Variants in CSMD3 observed in about 807,000 individuals in gnomAD.
CSMD3 encodes CUB and Sushi multiple domains 3, also known as CUB and sushi domain-containing protein 3.
CSMD3 carries 177 observed loss-of-function variants against 435.2 expected under a neutral mutation model. That is an observed-to-expected ratio of 0.41 (90% CI 0.36 to 0.46). CSMD3 has a LOEUF of 0.46. CSMD3 is among the 20% of genes least tolerant of loss of function. The pLI, the probability that CSMD3 is intolerant of heterozygous loss-of-function variation, is 0.34. For synonymous variants in CSMD3, 1,656 were observed against 1,520.5 expected (o/e 1.09, Z -2.07); for missense variants, 4,265 against 4,504.6 (o/e 0.95, Z 1.52).
intron 66 of CSMD3, among the ~76,000 whole-genome samples, chr8:112,240,897 C>T (rs1038975911): frequency 2.0e-5 from 3 of 152,004 alleles, no homozygotes; most frequent in African/African-American, 7.2e-5. Flanking sequence ...TTTGCCCGCT[C>T]GCATCCATGT....
In CSMD3 at chr8:112,913,404, G is replaced by A. The variant is rs535807882; in HGVS notation, c.1633+8223C>T. Among the ~76,000 whole-genome samples the A allele has an allele frequency of 6.6e-5, 10 of 151,844 alleles. No individual in the cohort carries two copies. In the East Asian group the frequency reaches 1.8e-3, roughly 27 times the overall value. ...GGAGCTCAAGTGGTAATGCCCACTT[G>A]CCCGCTGTTCACCTCCTGCTGTGTG... On this transcript the variant is annotated intron_variant, in intron 10 of 70. Coordinates refer to ENST00000297405, the MANE Select transcript of CSMD3 (RefSeq NM_198123.2).
intron 63 of CSMD3, among the ~76,000 whole-genome samples, chr8:112,253,016 G>A (rs916035343): frequency 1.3e-5 from 2 of 151,590 alleles, no homozygotes; most frequent in Admixed American, 6.6e-5. Flanking sequence ...TAAACTCCAC[G>A]TTAATCATTC....
At chr8:113,408,706 G>T (rs1181743890) in intron 1 of CSMD3, among the ~76,000 whole-genome samples, 11 of 148,244 alleles carry the variant, frequency 7.4e-5, no homozygotes, top group Admixed American at 6.7e-4. Flanking sequence ...TGTTCAGGTT[G>T]GCGTGCAGGG....
intron 4 of CSMD3, among the ~76,000 whole-genome samples, chr8:113,167,020 A>G (rs928497830): frequency 6.6e-6 from 1 of 152,148 alleles, no homozygotes; most frequent in Non-Finnish European, 1.5e-5. Context: ...GGTCTAAAAA[A>G]TTAAATATAT....
chr8:112,372,867 G>GATAA lies in CSMD3; in HGVS notation c.6136+7481_6136+7484dup, dbSNP rs555348272. Among the ~76,000 whole-genome samples the GATAA allele has an allele frequency of 3.4e-4, 51 of 150,368 alleles. No individual in the cohort carries two copies. The South Asian group carries it at 0.011, about 31-fold the overall frequency. On this transcript the variant is annotated intron_variant, in intron 38 of 70. Transcript: ENST00000297405. ...ATGTCTCCAAAAATAGAAAAAAAAA[G>GATAA]ATAAATAAATAAATAAAAATAAATC...
At chr8:113,359,137 C>T (rs1303784373) in intron 1 of CSMD3, among the ~76,000 whole-genome samples, 3 of 152,120 alleles carry the variant, frequency 2.0e-5, no homozygotes, top group African/African-American at 2.4e-5. Context: ...GGGATTGCCT[C>T]TAAGTTTGTA....
chr8:113,127,359 A>G (rs1398165388), intron 4 of CSMD3, among the ~76,000 whole-genome samples: 6 of 152,024 alleles, frequency 3.9e-5, no homozygotes, highest in Non-Finnish European at 7.4e-5. Flanking sequence ...ACCTCCTTTT[A>G]TTATGCATTC....
intron 17 of CSMD3, among the ~76,000 whole-genome samples, chr8:112,664,217 T>C (rs1360416722): frequency 6.6e-6 from 1 of 152,102 alleles, no homozygotes; most frequent in Non-Finnish European, 1.5e-5. Flanking sequence ...GATTGACAAA[T>C]ATGCTTGTTT....
intron 31 of CSMD3, among the ~76,000 whole-genome samples, chr8:112,484,726 C>T (rs1051719251): frequency 7.9e-5 from 12 of 152,020 alleles, no homozygotes; most frequent in Non-Finnish European, 1.5e-4. Context: ...ATTCAAAACG[C>T]AAAATCCAAA....
chr8:112,668,913 A>T (rs949141888), intron 16 of CSMD3, among the ~76,000 whole-genome samples: 20 of 151,972 alleles, frequency 1.3e-4, no homozygotes, highest in African/African-American at 4.3e-4. Flanking sequence ...TGCAGGAGAA[A>T]GGAGAGGCTA....
chr8:112,606,682 C>A (rs1164408609), intron 22 of CSMD3, among the ~76,000 whole-genome samples: 1 of 152,034 alleles, frequency 6.6e-6, no homozygotes, highest in African/African-American at 2.4e-5. Context: ...TGAAGTTATA[C>A]CAAGGACCTT....
intron 64 of CSMD3, among the ~76,000 whole-genome samples, chr8:112,245,244 T>TTGTA (rs1420671068): frequency 1.3e-5 from 2 of 152,072 alleles, no homozygotes; most frequent in Non-Finnish European, 2.9e-5. Context: ...TCTACCTTGA[T>TTGTA]TACACCATAT....
intron 12 of CSMD3, among the ~76,000 whole-genome samples, chr8:112,828,358 G>A (rs2079760336): frequency 6.6e-6 from 1 of 152,168 alleles, no homozygotes; most frequent in African/African-American, 2.4e-5. Context: ...CTAGTGGGAG[G>A]TGAATGCATC....
At chr8:112,499,033 A>G (rs1821661789) in intron 30 of CSMD3, among the ~76,000 whole-genome samples, 1 of 152,138 alleles carries the variant, frequency 6.6e-6, no homozygotes, top group African/African-American at 2.4e-5. Flanking sequence ...TTTCCTCTTA[A>G]GAAACTTGTA....
At chr8:113,024,979 G>A (rs557095137) in intron 5 of CSMD3, among the ~76,000 whole-genome samples, 3 of 152,188 alleles carry the variant, frequency 2.0e-5, no homozygotes, top group African/African-American at 7.2e-5. Context: ...GACATGTGGT[G>A]TTTGTCTTTC....
At chr8:112,448,887 A>G (rs918933058) in intron 32 of CSMD3, among the ~76,000 whole-genome samples, 2 of 152,168 alleles carry the variant, frequency 1.3e-5, no homozygotes, top group African/African-American at 4.8e-5. Flanking sequence ...AACAGGCCAA[A>G]GTGCTAGAAA....
intron 1 of CSMD3, among the ~76,000 whole-genome samples, chr8:113,387,119 A>G (rs1485398812): frequency 3.3e-5 from 5 of 151,782 alleles, no homozygotes; most frequent in African/African-American, 1.2e-4. Context: ...GATGGTTTAG[A>G]TTGTGAAATT....
chr8:113,111,825 C>G (rs569237389), intron 4 of CSMD3, among the ~76,000 whole-genome samples: 1 of 151,972 alleles, frequency 6.6e-6, no homozygotes, highest in Non-Finnish European at 1.5e-5. Context: ...AGTTTACAGG[C>G]GCCTGCCACC....
intron 47 of CSMD3, among the ~76,000 whole-genome samples, chr8:112,318,353 C>T (rs1420656481): frequency 6.6e-6 from 1 of 152,008 alleles, no homozygotes; most frequent in Non-Finnish European, 1.5e-5. Flanking sequence ...TGCCATATCC[C>T]TTTTCCATGA....
Sources: allele counts gnomAD v4.1 joint callset (sites outside exome capture counted in the v4.1 genomes callset), GRCh38; gene constraint gnomAD v4.1.1; transcripts MANE v1.5; gene names NCBI Gene and HGNC (gene_info 2026-07-23, HGNC 2026-07-21).